CFAP161: variants seen among roughly 807,000 people sequenced by gnomAD.
CFAP161 encodes cilia- and flagella-associated protein 161.
A neutral mutation model predicts 29.0 loss-of-function variants in CFAP161; 25 were observed. The ratio of observed to expected loss-of-function variants is 0.86; its 90% CI spans 0.63 to 1.20. CFAP161 has a LOEUF of 1.20. Among genes scored for constraint, CFAP161 ranks in the 50% most tolerant of loss-of-function variants. The pLI, the probability that CFAP161 is intolerant of heterozygous loss-of-function variation, is 0.00. For missense variants in CFAP161, 367 were observed against 371.9 expected (o/e 0.99, Z 0.11); for synonymous variants, 116 against 137.4 (o/e 0.84, Z 1.09).
At chr15:81,113,306 T>C (rs1894460171) in intron 1 of CFAP161, among the ~76,000 whole-genome samples, 1 of 152,202 alleles carries the variant, frequency 6.6e-6, no homozygotes. Flanking sequence ...CCAAGGTCAC[T>C]GGAGTGTTTT....
At chr15:81,105,108 T>TCCCTCCCTTCCTCCCTC (rs1567149825) in intron 1 of CFAP161, among the ~76,000 whole-genome samples, 1 of 19,114 alleles carries the variant, frequency 5.2e-5, no homozygotes, top group Non-Finnish European at 2.1e-4. Context: ...CTCCCTCCCT[T>TCCCTCCCTTCCTCCCTC]CCTTTCTCCC....
chr15:81,143,614 C>G (rs1191754569), intron 4 of CFAP161, 48 bp from the exon 5 acceptor site: 1 of 1,565,952 alleles, frequency 6.4e-7, no homozygotes, highest in East Asian at 2.3e-5. Context: ...TATTCTCCAG[C>G]TTTTCACAGA....
intron 6 of CFAP161, 78 bp downstream of exon 6, chr15:81,148,009 T>C (rs1895039249): frequency 8.7e-7 from 1 of 1,152,290 alleles, no homozygotes; most frequent in Non-Finnish European, 1.3e-6. Flanking sequence ...GCTCAATTGA[T>C]AGTGTATGGC....
intron 5 of CFAP161, among the ~76,000 whole-genome samples, chr15:81,144,902 A>G (rs1056964410): frequency 3.3e-5 from 5 of 151,996 alleles, no homozygotes; most frequent in Non-Finnish European, 7.4e-5. Flanking sequence ...TCTCATTATC[A>G]CTGTGCGACA....
chr15:81,113,185 A>G (rs1894459155), intron 1 of CFAP161, among the ~76,000 whole-genome samples: 1 of 152,150 alleles, frequency 6.6e-6, no homozygotes. Flanking sequence ...TCTTGTTAAG[A>G]TTCATTTGGG....
intron 5 of CFAP161, among the ~76,000 whole-genome samples, chr15:81,144,166 G>A (rs546611160): frequency 1.3e-5 from 2 of 152,142 alleles, no homozygotes; most frequent in African/African-American, 4.8e-5. Flanking sequence ...CGTTAGAATC[G>A]CCTCAGGAAC....
chr15:81,124,992 AT>A (rs976555662), intron 1 of CFAP161, among the ~76,000 whole-genome samples: 1 of 151,764 alleles, frequency 6.6e-6, no homozygotes, highest in Non-Finnish European at 1.5e-5. Flanking sequence ...CAGTTAAAAA[AT>A]TTTTTTTATT....
chr15:81,134,935 G>A lies in CFAP161; in HGVS notation c.70-335G>A, dbSNP rs770586369. On this transcript the variant is annotated intron_variant, in intron 1 of 6. Coordinates refer to ENST00000286732, the MANE Select transcript of CFAP161 (RefSeq NM_173528.4). ...ATTCGTATACGGGTCAGATTGGGGA[G>A]GGGTGAACTTTCTAGTGTCAGTCAT... Among the ~76,000 whole-genome samples, 291 of 152,288 alleles carry A rather than the reference G, an allele frequency of 1.9e-3. 1 individual carries two copies. The highest frequency in any genetic ancestry group is 2.5e-3 in the Non-Finnish European group (170 of 68,030).
upstream of CFAP161, among the ~76,000 whole-genome samples, chr15:81,133,347 C>A (rs1894749898): frequency 6.6e-6 from 1 of 151,390 alleles, no homozygotes; most frequent in South Asian, 2.1e-4. Flanking sequence ...CTTGAGCCAC[C>A]ACGCCAGCCC....
intron 5 of CFAP161, among the ~76,000 whole-genome samples, chr15:81,146,754 T>C (rs1352616147): frequency 6.8e-6 from 1 of 147,908 alleles, no homozygotes; most frequent in Non-Finnish European, 1.5e-5. Flanking sequence ...AAACTCACTA[T>C]GTCAAAGGGA....
intron 1 of CFAP161, among the ~76,000 whole-genome samples, chr15:81,111,630 C>T (rs1894441414): frequency 6.6e-6 from 1 of 152,318 alleles, no homozygotes; most frequent in South Asian, 2.1e-4. Flanking sequence ...CAACTCTTGC[C>T]TCGATGCTGA....
chr15:81,103,495 A>C (rs556803239), intron 1 of CFAP161, among the ~76,000 whole-genome samples: 2 of 152,114 alleles, frequency 1.3e-5, no homozygotes, highest in Non-Finnish European at 2.9e-5. Context: ...AACAAAAAAA[A>C]CCCAAGAGGA....
intron 5 of CFAP161, among the ~76,000 whole-genome samples, chr15:81,144,255 T>A (rs1035010276): frequency 6.6e-6 from 1 of 152,202 alleles, no homozygotes; most frequent in Non-Finnish European, 1.5e-5. Context: ...GTGACACTGC[T>A]TCCTTCGCAC....
At chr15:81,119,564 C>T (rs1184497854) in intron 1 of CFAP161, among the ~76,000 whole-genome samples, 4 of 152,156 alleles carry the variant, frequency 2.6e-5, no homozygotes, top group African/African-American at 9.7e-5. Context: ...TCCAGCACCA[C>T]TTACCATTTG....
chr15:81,148,689 A>C lies in CFAP161; in HGVS notation c.*156A>C. The C allele has an allele frequency of 1.5e-6, 1 of 651,476 alleles. No homozygotes were observed. 40.4% of individuals were successfully genotyped at this position (651,476 alleles called of 1,614,324 possible). ...AATAAAGATTACATTAAGATTATTG[A>C]ATTTGTGGTGGGAGTCTAGGGCTGA... On this transcript the variant is annotated 3_prime_UTR_variant, in exon 7 of 7. Coordinates refer to ENST00000286732, the MANE Select transcript of CFAP161 (RefSeq NM_173528.4).
intron 1 of CFAP161, among the ~76,000 whole-genome samples, chr15:81,104,913 T>C (rs1567149748): frequency 6.6e-6 from 1 of 152,088 alleles, no homozygotes; most frequent in Admixed American, 6.5e-5. Context: ...ACAAGGGAAA[T>C]ATATTCTCCT....
chr15:81,124,698 G>A (rs1894618664), intron 1 of CFAP161, among the ~76,000 whole-genome samples: 1 of 152,038 alleles, frequency 6.6e-6, no homozygotes, highest in Admixed American at 6.6e-5. Context: ...CTCATTATTG[G>A]TCTATTCAGA....
chr15:81,125,202 G>A (rs534276455), intron 1 of CFAP161, among the ~76,000 whole-genome samples: 3 of 152,078 alleles, frequency 2.0e-5, no homozygotes, highest in South Asian at 2.1e-4. Context: ...GACTACTTAT[G>A]AGAACTGAAA....
intron 1 of CFAP161, among the ~76,000 whole-genome samples, chr15:81,114,287 G>A (rs1400275361): frequency 6.6e-6 from 1 of 152,184 alleles, no homozygotes; most frequent in African/African-American, 2.4e-5. Flanking sequence ...GGTCTATTAA[G>A]TGTTCAATGG....
Sources: allele counts gnomAD v4.1 joint callset (sites outside exome capture counted in the v4.1 genomes callset), GRCh38; gene constraint gnomAD v4.1.1; transcripts MANE v1.5; gene names NCBI Gene and HGNC (gene_info 2026-07-23, HGNC 2026-07-21).